Variants in ERI1 observed in about 807,000 individuals in gnomAD.
ERI1 encodes exoribonuclease 1.
Under a neutral mutation model 39.7 loss-of-function variants are expected in ERI1, and 39 were observed. The ratio of observed to expected loss-of-function variants is 0.98; its 90% CI spans 0.76 to 1.28. The LOEUF (loss-of-function observed/expected upper bound fraction) is 1.28. ERI1 is among the 50% of genes most tolerant of loss of function. The pLI, the probability that ERI1 is intolerant of heterozygous loss-of-function variation, is 0.00. For synonymous variants in ERI1, 204 were observed against 149.6 expected, an observed-to-expected ratio of 1.36 and a Z score of -2.65; for missense variants, 581 against 416.9, an observed-to-expected ratio of 1.39 and a Z score of -3.43.
intron 3 of ERI1, among the ~76,000 whole-genome samples, chr8:9,092,321 T>C (rs1422273009): frequency 6.6e-6 from 1 of 152,064 alleles, no homozygotes; most frequent in Admixed American, 6.6e-5. Context: ...AGACCCTTAT[T>C]TGGAGAGGAT....
At chr8:9,013,885 C>T (rs1322865439) in intron 3 of ERI1, among the ~76,000 whole-genome samples, 1 of 152,278 alleles carries the variant, frequency 6.6e-6, no homozygotes, top group East Asian at 1.9e-4. Flanking sequence ...AGAACCCAGT[C>T]ACTTAACTGA....
Position 9,071,651 on chromosome 8 carries a change from C to T in ERI1, n.300-44697C>T, listed in dbSNP as rs530773248. Among the ~76,000 whole-genome samples the T allele has an allele frequency of 1.2e-4, 19 of 152,344 alleles. No homozygotes were observed. In the South Asian group the frequency reaches 3.7e-3, roughly 30 times the overall value. ...TCTACAGGGAAACGGGAGAAGTCCT[C>T]CCCTGTGGCTCACTCTATATGGCCG... is the stretch of plus-strand genomic sequence containing the variant. On this transcript the variant is annotated intron_variant and non_coding_transcript_variant, in intron 3 of 3. Coordinates refer to the ERI1 transcript ENST00000518663.
At chr8:9,021,830 T>G (rs1333485394) in intron 6 of ERI1, among the ~76,000 whole-genome samples, 2 of 150,276 alleles carry the variant, frequency 1.3e-5, no homozygotes, top group African/African-American at 2.5e-5. Flanking sequence ...TGTATGTCAC[T>G]GCAGTTCATT....
At chr8:9,017,771 C>G (rs1477734960) in intron 4 of ERI1, among the ~76,000 whole-genome samples, 1 of 152,204 alleles carries the variant, frequency 6.6e-6, no homozygotes, top group African/African-American at 2.4e-5. Context: ...TAGGCAGAGG[C>G]AATCCAGATC....
intron 3 of ERI1, among the ~76,000 whole-genome samples, chr8:9,090,973 C>G (rs925177473): frequency 5.3e-5 from 8 of 152,056 alleles, no homozygotes; most frequent in Non-Finnish European, 5.9e-5. Context: ...ATTTAAGGAG[C>G]TAGAAAATTG....
At chr8:9,009,786 C>A (rs920866980) in intron 2 of ERI1, among the ~76,000 whole-genome samples, 1 of 152,166 alleles carries the variant, frequency 6.6e-6, no homozygotes, top group African/African-American at 2.4e-5. Flanking sequence ...GATTCACCCC[C>A]CTCCCAAAGT....
intron 3 of ERI1, among the ~76,000 whole-genome samples, chr8:9,060,260 A>G (rs1365814143): frequency 2.6e-5 from 4 of 152,180 alleles, no homozygotes; most frequent in African/African-American, 9.7e-5. Flanking sequence ...GTCTGACAGA[A>G]GGGAAGAAAT....
intron 6 of ERI1, among the ~76,000 whole-genome samples, chr8:9,024,407 C>CTCTTTTCTTTTCTTTTCTTTTCTTT (rs535713484): frequency 2.6e-5 from 4 of 151,166 alleles, no homozygotes; most frequent in African/African-American, 7.3e-5. Context: ...CTTCTTTTTT[C>CTCTTTTCTTTTCTTTTCTTTTCTTT]TCTTTTCTTT....
chr8:9,070,370 C>T (rs549221692), intron 3 of ERI1, among the ~76,000 whole-genome samples: 26 of 152,262 alleles, frequency 1.7e-4, no homozygotes, highest in African/African-American at 5.5e-4. Context: ...CACATATAAT[C>T]CTAGCCCTTT....
At chr8:9,024,444 G>A (rs187058778) in intron 6 of ERI1, among the ~76,000 whole-genome samples, 71 of 149,334 alleles carry the variant, frequency 4.8e-4, no homozygotes, top group Middle Eastern at 3.5e-3. Context: ...CTTTCAAGAC[G>A]GAATCTCACT....
chr8:9,035,785 A>T (rs940727830), downstream of ERI1, among the ~76,000 whole-genome samples: 1 of 152,258 alleles, frequency 6.6e-6, no homozygotes, highest in African/African-American at 2.4e-5. Context: ...GATTCGTCTG[A>T]TGGATCTAGG....
At chr8:9,057,979 T>A (rs2979249) in intron 3 of ERI1, among the ~76,000 whole-genome samples, 1 of 151,978 alleles carries the variant, frequency 6.6e-6, no homozygotes, top group African/African-American at 2.4e-5. Context: ...TCTCATAGGG[T>A]CTTGGGGGCC....
chr8:9,030,001 T>G lies in ERI1; in HGVS notation c.1017T>G (p.Thr339=). ...SVSSSLPIEG[T]PPPQMPHFRK is the part of the protein sequence containing the mutation. ...CCTCTTCCTTACCAATAGAGGGCAC[T>G]CCACCACCACAAATGCCACATTTTA... The change falls in exon 7 of 7, where the codon ACT becomes ACG. Residue 339 remains threonine, a synonymous_variant. Transcript: ENST00000250263. 6.2e-7 allele frequency: 1 copy of G among 1,611,230 alleles called. No homozygotes were observed. Among genetic ancestry groups the G allele is most frequent in the South Asian group, 1.1e-5 (1 of 90,790 alleles).
chr8:9,015,226 A>G (rs1817106429), intron 3 of ERI1, among the ~76,000 whole-genome samples: 1 of 152,266 alleles, frequency 6.6e-6, no homozygotes, highest in South Asian at 2.1e-4. Flanking sequence ...TAGTAGGTAG[A>G]AAGAATTTAT....
At position 9,062,207 on chromosome 8, in the gene ERI1, G is replaced by A. The variant is rs191199007; in HGVS notation, n.299+41743G>A. Among the ~76,000 whole-genome samples, 498 of 152,178 alleles carry A rather than the reference G, an allele frequency of 3.3e-3. 3 individuals carry two copies. The highest frequency in any genetic ancestry group is 0.011 in the African/African-American group (471 of 41,542). ...ATATTGGCATTGAGTGGGTAAGGGT[G>A]ATTAAGTTTTAATGAGATTGTAAGG... On this transcript the variant is annotated intron_variant and non_coding_transcript_variant, in intron 3 of 3. Transcript: ENST00000518663.
At chr8:9,028,307 G>A (rs1051570560) in intron 6 of ERI1, among the ~76,000 whole-genome samples, 5 of 152,160 alleles carry the variant, frequency 3.3e-5, no homozygotes, top group African/African-American at 4.8e-5. Flanking sequence ...GTTAAGTTGT[G>A]TATTTCCAGG....
chr8:9,040,552 A>T (rs1797984429), intron 3 of ERI1, among the ~76,000 whole-genome samples: 1 of 152,140 alleles, frequency 6.6e-6, no homozygotes, highest in Non-Finnish European at 1.5e-5. Context: ...ATTACCTTAA[A>T]TTCCAAATTA....
intron 3 of ERI1, among the ~76,000 whole-genome samples, chr8:9,066,582 A>G (rs1798885895): frequency 6.6e-6 from 1 of 152,178 alleles, no homozygotes; most frequent in African/African-American, 2.4e-5. Flanking sequence ...AAGGAATCAG[A>G]TGCATGATTT....
rs1041005308 is a variant in ERI1 at position 9,030,110 on chromosome 8, C to A, written c.*76C>A. The A allele has an allele frequency of 9.6e-6, 15 of 1,567,038 alleles. No homozygotes were observed. In the Admixed American group the frequency reaches 1.4e-4, roughly 14 times the overall value. ...GCAGATGAATCTCATTGAATTAGTC[C>A]TGTAGTGCAAACTTTAAGCACCTTA... On this transcript the variant is annotated 3_prime_UTR_variant, in exon 7 of 7. Coordinates refer to ENST00000250263, the MANE Select transcript of ERI1 (RefSeq NM_153332.4).
Sources: allele counts gnomAD v4.1 joint callset (sites outside exome capture counted in the v4.1 genomes callset), GRCh38; gene constraint gnomAD v4.1.1; transcripts MANE v1.5; gene names NCBI Gene and HGNC (gene_info 2026-07-23, HGNC 2026-07-21).